Variants in EDARADD observed in about 807,000 individuals in gnomAD.
The protein encoded by EDARADD is ectodysplasin-A receptor-associated adapter protein.
EDARADD carries 20 observed loss-of-function variants against 25.6 expected under a neutral mutation model. That is an observed-to-expected ratio of 0.78 (90% confidence interval 0.55 to 1.14). EDARADD has a LOEUF of 1.14. Among genes scored for constraint, EDARADD ranks in the 50% most tolerant of loss-of-function variants. The pLI, the probability that EDARADD is intolerant of heterozygous loss-of-function variation, is 0.00. For missense variants in EDARADD, 225 were observed against 270.1 expected, an observed-to-expected ratio of 0.83 and a Z score of 1.17; for synonymous variants, 86 against 94.4, an observed-to-expected ratio of 0.91 and a Z score of 0.52.
At position 236,426,559 on chromosome 1, in the gene EDARADD, T is replaced by C. The variant is rs116602825; in HGVS notation, c.161-833T>C. 4.1e-3 allele frequency among the ~76,000 whole-genome samples: 626 copies of C among 152,282 alleles called. 5 individuals carry two copies. The highest frequency in any genetic ancestry group is 0.014 in the African/African-American group (591 of 41,550). ...TTCTGGTTCCCATGTGAGTTCGTGA[T>C]CAGCCTGTTTGAATAATTCCACATG... On this transcript the variant is annotated intron_variant, in intron 3 of 5. Transcript: ENST00000334232.
Position 236,483,189 on chromosome 1 carries a change from A to T in EDARADD, c.*540A>T. ...CATGTCTATTCTCAAGATCCATGCC[A>T]GGGAGCTCTTTGACTCTCGTGGGAA... is the stretch of plus-strand genomic sequence containing the variant. On this transcript the variant is annotated 3_prime_UTR_variant, in exon 6 of 6. Coordinates refer to ENST00000334232, the MANE Select transcript of EDARADD (RefSeq NM_145861.4). 1.3e-6 allele frequency: 2 copies of T among 1,570,394 alleles called. No homozygotes were observed. Among genetic ancestry groups the T allele is most frequent in the Non-Finnish European group, 1.8e-6 (2 of 1,142,358 alleles).
At chr1:236,353,226 C>T (rs1666937743) in intron 3 of EDARADD, among the ~76,000 whole-genome samples, 1 of 152,148 alleles carries the variant, frequency 6.6e-6, no homozygotes, top group East Asian at 1.9e-4. Context: ...CAGGAGAGAA[C>T]TGTGTGACCT....
intron 4 of EDARADD, among the ~76,000 whole-genome samples, chr1:236,440,938 G>A (rs1325680589): frequency 6.6e-6 from 1 of 152,046 alleles, no homozygotes; most frequent in Non-Finnish European, 1.5e-5. Context: ...GAGCTCTTAA[G>A]TGAGGAAGAG....
intron 5 of EDARADD, among the ~76,000 whole-genome samples, chr1:236,476,048 C>G (rs929812802): frequency 6.6e-6 from 1 of 151,924 alleles, no homozygotes; most frequent in Non-Finnish European, 1.5e-5. Flanking sequence ...AAAAATTAGC[C>G]AGGTGTGTTG....
chr1:236,377,361 G>A (rs1204545419), intron 3 of EDARADD, among the ~76,000 whole-genome samples: 6 of 149,512 alleles, frequency 4.0e-5, no homozygotes, highest in East Asian at 2.0e-4. Flanking sequence ...TTGCCATGTC[G>A]GCCAGGCTGG....
intron 5 of EDARADD, among the ~76,000 whole-genome samples, chr1:236,470,296 G>A (rs2103036624): frequency 6.6e-6 from 1 of 152,248 alleles, no homozygotes; most frequent in Middle Eastern, 3.4e-3. Flanking sequence ...TGGGTAATGG[G>A]AGCATTAATT....
At chr1:236,467,837 A>G (rs1048399033) in intron 4 of EDARADD, among the ~76,000 whole-genome samples, 1 of 151,628 alleles carries the variant, frequency 6.6e-6, no homozygotes, top group African/African-American at 2.4e-5. Flanking sequence ...AGCTCACTGC[A>G]GCCTCCAGCT....
chr1:236,459,117 G>A (rs192643085), intron 4 of EDARADD, among the ~76,000 whole-genome samples: 121 of 152,232 alleles, frequency 7.9e-4, no homozygotes, highest in African/African-American at 2.7e-3. Context: ...CGGGGTGTCT[G>A]TGGATGCATT....
intron 3 of EDARADD, among the ~76,000 whole-genome samples, chr1:236,364,494 A>G (rs1263415034): frequency 1.3e-5 from 2 of 152,214 alleles, no homozygotes; most frequent in Non-Finnish European, 2.9e-5. Context: ...GAGGAAACTG[A>G]CATCTTAACA....
At chr1:236,425,231 C>T (rs551405182) in intron 3 of EDARADD, among the ~76,000 whole-genome samples, 2 of 152,304 alleles carry the variant, frequency 1.3e-5, no homozygotes, top group Admixed American at 6.5e-5. Flanking sequence ...GGCTCTGTGC[C>T]GAGAGAGCAG....
upstream of EDARADD, among the ~76,000 whole-genome samples, chr1:236,393,374 CT>C (rs1380566618): frequency 9.3e-6 from 1 of 107,272 alleles, no homozygotes; most frequent in Non-Finnish European, 1.8e-5. Flanking sequence ...TGTCCATTTT[CT>C]TTTCTTTCTT....
intron 3 of EDARADD, among the ~76,000 whole-genome samples, chr1:236,371,792 G>A (rs1317845356): frequency 6.6e-6 from 1 of 151,242 alleles, no homozygotes; most frequent in African/African-American, 2.4e-5. Flanking sequence ...GGCTGGTCTC[G>A]AACTCCTGAC....
At chr1:236,472,135 G>A (rs1473627571) in intron 5 of EDARADD, among the ~76,000 whole-genome samples, 2 of 152,062 alleles carry the variant, frequency 1.3e-5, no homozygotes, top group Non-Finnish European at 2.9e-5. Flanking sequence ...GGGAGGTGGG[G>A]GAAGAAATGC....
chr1:236,392,889 C>T (rs186229231), upstream of EDARADD, among the ~76,000 whole-genome samples: 391 of 152,198 alleles, frequency 2.6e-3, 4 homozygotes, highest in African/African-American at 8.9e-3. Flanking sequence ...AGTCTGATCT[C>T]GAACTTCTGA....
intron 5 of EDARADD, among the ~76,000 whole-genome samples, chr1:236,481,919 C>A (rs1248951457): frequency 6.6e-6 from 1 of 151,892 alleles, no homozygotes; most frequent in Non-Finnish European, 1.5e-5. Context: ...CGAGACCATC[C>A]TGGCTAACAC....
intron 5 of EDARADD, among the ~76,000 whole-genome samples, chr1:236,469,601 G>C (rs1659304842): frequency 1.3e-5 from 2 of 152,168 alleles, no homozygotes; most frequent in Admixed American, 6.6e-5. Flanking sequence ...TTCTTAAGCA[G>C]GGTGGGGAAC....
intron 4 of EDARADD, among the ~76,000 whole-genome samples, chr1:236,443,145 C>T (rs1024687952): frequency 1.2e-4 from 18 of 152,300 alleles, no homozygotes; most frequent in Admixed American, 1.2e-3. Context: ...AGGCCCTCAC[C>T]AGATGCAGCC....
chr1:236,389,173 A>G (rs1197446293), intron 3 of EDARADD, among the ~76,000 whole-genome samples: 1 of 152,196 alleles, frequency 6.6e-6, no homozygotes, highest in African/African-American at 2.4e-5. Flanking sequence ...GTGTGGGAGC[A>G]CCCATGATCA....
intron 3 of EDARADD, among the ~76,000 whole-genome samples, chr1:236,365,504 G>A (rs990583504): frequency 2.6e-5 from 4 of 151,838 alleles, no homozygotes; most frequent in East Asian, 1.9e-4. Flanking sequence ...AGTTGCTCTC[G>A]CTATGTTGCC....
Sources: allele counts gnomAD v4.1 joint callset (sites outside exome capture counted in the v4.1 genomes callset), GRCh38; gene constraint gnomAD v4.1.1; transcripts MANE v1.5; gene names NCBI Gene and HGNC (gene_info 2026-07-23, HGNC 2026-07-21).